ROBO2: variants seen among roughly 807,000 people sequenced by gnomAD.
ROBO2 encodes the protein roundabout guidance receptor 2, also known as roundabout homolog 2.
Under a neutral mutation model 160.8 loss-of-function variants are expected in ROBO2, and 53 were observed. The observed-to-expected ratio is 0.33, with a 90% CI of 0.26 to 0.41. The LOEUF is 0.41. Ranked by LOEUF, ROBO2 falls within the 10% of genes least tolerant of loss-of-function variation. ROBO2 has a pLI of 1.00. For missense variants in ROBO2, 1,577 were observed against 1,722.4 expected (o/e 0.92, Z 1.49); for synonymous variants, 664 against 611.7 (o/e 1.09, Z -1.26).
intron 2 of ROBO2, among the ~76,000 whole-genome samples, chr3:76,760,275 C>A (rs1320006782): frequency 1.3e-5 from 2 of 151,636 alleles, no homozygotes; most frequent in Non-Finnish European, 2.9e-5. Flanking sequence ...TAGACTCTTT[C>A]CAAATTACCG....
intron 2 of ROBO2, among the ~76,000 whole-genome samples, chr3:76,911,058 C>A (rs879690530): frequency 8.6e-5 from 13 of 151,914 alleles, no homozygotes; most frequent in Non-Finnish European, 1.6e-4. Flanking sequence ...CATCTGCACT[C>A]CTAAGATAAA....
At chr3:77,292,761 G>A (rs1225744225) in intron 2 of ROBO2, among the ~76,000 whole-genome samples, 3 of 95,724 alleles carry the variant, frequency 3.1e-5, no homozygotes, top group Non-Finnish European at 8.5e-5. Flanking sequence ...GAGCACTAAA[G>A]ACATAAAGTA....
intron 2 of ROBO2, among the ~76,000 whole-genome samples, chr3:76,156,113 C>T (rs1360511496): frequency 6.6e-6 from 1 of 152,008 alleles, no homozygotes; most frequent in African/African-American, 2.4e-5. Context: ...TGATTTCCCC[C>T]TAGTAGTTTA....
At chr3:77,365,615 T>G (rs901826515) in intron 2 of ROBO2, among the ~76,000 whole-genome samples, 1 of 152,198 alleles carries the variant, frequency 6.6e-6, no homozygotes, top group Admixed American at 6.5e-5. Context: ...ACACTCACTT[T>G]GTGTACCACC....
In ROBO2 at chr3:76,802,289, AT is replaced by A. The variant is rs542093326; in HGVS notation, c.110-295720del. Among the ~76,000 whole-genome samples the A allele has an allele frequency of 2.6e-4, 39 of 152,268 alleles. No homozygotes were observed. In the East Asian group the frequency reaches 6.2e-3, roughly 24 times the overall value. On this transcript the variant is annotated intron_variant, in intron 2 of 26. Transcript: ENST00000487694. Reference sequence around the variant, plus strand: ...ATCAAGCGAAGCACAATAAAATGAGATTTTTCCCGTGTTATAGGAAATGATT... The same window carrying A: ...ATCAAGCGAAGCACAATAAAATGAGATTTTCCCGTGTTATAGGAAATGATT...
intron 16 of ROBO2, among the ~76,000 whole-genome samples, chr3:77,587,815 T>A (rs2094091342): frequency 6.6e-6 from 1 of 152,100 alleles, no homozygotes; most frequent in South Asian, 2.1e-4. Context: ...CTTTTAAAAG[T>A]CTTTCATTAA....
intron 2 of ROBO2, among the ~76,000 whole-genome samples, chr3:76,768,926 A>G (rs915094753): frequency 4.1e-4 from 62 of 151,440 alleles, no homozygotes; most frequent in African/African-American, 1.4e-3. Context: ...ATACTTGAAG[A>G]TTGTTGAACA....
chr3:76,948,579 ATTTTTTTTTTT>A lies in ROBO2; in HGVS notation c.110-149421_110-149411del, dbSNP rs757654181. ...CCATTGGGGCTATAATTATAATCTA[ATTTTTTTTTTT>A]TTTTTTTTTTTTTGGAGACGGAGTC... is the stretch of plus-strand genomic sequence containing the variant. On this transcript the variant is annotated intron_variant, in intron 2 of 26. Coordinates refer to the ROBO2 transcript ENST00000487694. Among the ~76,000 whole-genome samples the A allele has an allele frequency of 1.6e-4, 15 of 93,650 alleles. No homozygotes were observed. The South Asian group carries it at 5.1e-3, about 32-fold the overall frequency. 61.4% of individuals were successfully genotyped at this position (93,650 alleles called of 152,430 possible). A position where few individuals can be genotyped will look rare whatever the true frequency, so the allele number is the denominator to read the frequency against.
At chr3:76,880,691 C>A (rs1359517558) in intron 2 of ROBO2, among the ~76,000 whole-genome samples, 1 of 151,968 alleles carries the variant, frequency 6.6e-6, no homozygotes, top group Admixed American at 6.6e-5. Context: ...CATATATGAT[C>A]CTTAACAGCC....
At chr3:76,069,125 C>T (rs1489096) in intron 2 of ROBO2, among the ~76,000 whole-genome samples, 94,553 of 151,908 alleles carry the variant, frequency 0.62, 30,077 homozygotes, top group African/African-American at 0.75. Context: ...CCCCAGCCTT[C>T]ATTGTGCTGT....
chr3:76,226,583 T>C (rs1170267392), intron 2 of ROBO2, among the ~76,000 whole-genome samples: 3 of 152,220 alleles, frequency 2.0e-5, no homozygotes, highest in Admixed American at 2.0e-4. Context: ...AAATCAATTA[T>C]AATGTATTTT....
chr3:77,607,489 A>G (rs2094548087), intron 20 of ROBO2, among the ~76,000 whole-genome samples: 1 of 152,172 alleles, frequency 6.6e-6, no homozygotes, highest in South Asian at 2.1e-4. Flanking sequence ...GTTATGGCCC[A>G]TTATTTCCTC....
chr3:77,248,316 C>T (rs1273148389), intron 2 of ROBO2, among the ~76,000 whole-genome samples: 1 of 152,098 alleles, frequency 6.6e-6, no homozygotes, highest in Non-Finnish European at 1.5e-5. Context: ...GATAAGAACT[C>T]GGGTGCCACG....
At chr3:76,652,250 T>A (rs1315374270) in intron 2 of ROBO2, among the ~76,000 whole-genome samples, 5 of 152,180 alleles carry the variant, frequency 3.3e-5, no homozygotes, top group African/African-American at 1.2e-4. Flanking sequence ...GGTGGATAAT[T>A]AAAATTATAG....
chr3:76,965,783 G>GTATATATATATATATATATATATA (rs1392105349), intron 2 of ROBO2, among the ~76,000 whole-genome samples: 1 of 68,016 alleles, frequency 1.5e-5, no homozygotes, highest in African/African-American at 9.7e-5. Flanking sequence ...TATTGTGTTT[G>GTATATATATATATATATATATATA]TGTATATATA....
intron 2 of ROBO2, among the ~76,000 whole-genome samples, chr3:76,198,146 C>T (rs923258192): frequency 3.9e-5 from 6 of 152,068 alleles, no homozygotes; most frequent in Non-Finnish European, 8.8e-5. Flanking sequence ...CCTCATCACA[C>T]CCTCTTCCCT....
chr3:76,936,903 G>A (rs955357333), intron 2 of ROBO2, among the ~76,000 whole-genome samples: 2 of 151,584 alleles, frequency 1.3e-5, no homozygotes, highest in African/African-American at 4.9e-5. Flanking sequence ...ACTGGTTGTT[G>A]GAAACATTAT....
At chr3:76,780,013 C>G (rs1448550797) in intron 2 of ROBO2, among the ~76,000 whole-genome samples, 1 of 150,900 alleles carries the variant, frequency 6.6e-6, no homozygotes. Context: ...TTGTTCCCAC[C>G]AACAGTGTAC....
intron 2 of ROBO2, among the ~76,000 whole-genome samples, chr3:76,956,665 A>C (rs2079294563): frequency 6.6e-6 from 1 of 152,008 alleles, no homozygotes; most frequent in South Asian, 2.1e-4. Context: ...GTTAGAAGGA[A>C]GGACATGGCA....
Sources: gnomAD v4.1 joint callset for allele counts (sites outside exome capture counted in the v4.1 genomes callset) on GRCh38, gnomAD v4.1.1 for gene constraint, MANE v1.5 for transcripts, NCBI Gene and HGNC (gene_info 2026-07-23, HGNC 2026-07-21) for gene names.